Variants in WSCD1 observed in about 807,000 individuals in gnomAD.
The protein encoded by WSCD1 is sialate:O-sulfotransferase 1.
A neutral mutation model predicts 60.4 loss-of-function variants in WSCD1; 41 were observed. That is an observed-to-expected ratio of 0.68 (90% confidence interval 0.53 to 0.88). WSCD1 has a LOEUF of 0.88. WSCD1 is among the 40% of genes least tolerant of loss of function. The pLI, the probability that WSCD1 is intolerant of heterozygous loss-of-function variation, is 0.00. For missense variants in WSCD1, 784 were observed against 796.2 expected, an observed-to-expected ratio of 0.98 and a Z score of 0.18; for synonymous variants, 361 against 332.5, an observed-to-expected ratio of 1.09 and a Z score of -0.93.
chr17:6,105,261 A>G (rs1911022242), intron 5 of WSCD1, among the ~76,000 whole-genome samples: 4 of 152,176 alleles, frequency 2.6e-5, no homozygotes, highest in Admixed American at 2.0e-4. Context: ...ATGAGGATGC[A>G]TATCTTTCTG....
chr17:6,089,581 C>T (rs980581947), intron 3 of WSCD1, among the ~76,000 whole-genome samples: 1 of 152,162 alleles, frequency 6.6e-6, no homozygotes. Flanking sequence ...CAGACCAGCT[C>T]ACGGCCGCTC....
rs920623033 is a variant in WSCD1, at chr17:6,120,248, G to C, written c.1376-61G>C. ...CTTCCCTCTCCCGAGCAGCCCCCCG[G>C]GGACCGGCAGCCCTGGCAGGGCCAG... On this transcript the variant is annotated intron_variant, in intron 8 of 8. Coordinates refer to ENST00000317744, the MANE Select transcript of WSCD1 (RefSeq NM_015253.2). 2.6e-6 allele frequency: 4 copies of C among 1,559,654 alleles called. No individual in the cohort carries two copies. The Middle Eastern group carries it at 5.2e-4, about 204-fold the overall frequency.
chr17:6,094,427 CT>C (rs1018099117), intron 4 of WSCD1, among the ~76,000 whole-genome samples: 2 of 152,222 alleles, frequency 1.3e-5, no homozygotes, highest in African/African-American at 2.4e-5. Flanking sequence ...GTCTGCTTTT[CT>C]TTTAATGCAT....
Position 6,094,984 on chromosome 17 carries a change from A to T in WSCD1, c.728-118A>T, listed in dbSNP as rs574199966. ...GGGCCGTTTTCCCTCCCTGATTTGA[A>T]CTCGCCTCGTAAGTTTATTTATACC... On this transcript the variant is annotated intron_variant, in intron 4 of 8. Coordinates refer to ENST00000317744, the MANE Select transcript of WSCD1 (RefSeq NM_015253.2). 3.4e-5 allele frequency: 50 copies of T among 1,461,042 alleles called. No homozygotes were observed. The South Asian group carries it at 6.8e-4, about 20-fold the overall frequency. 90.5% of individuals were successfully genotyped at this position (1,461,042 alleles called of 1,614,324 possible).
At chr17:6,097,132 C>T (rs1026804814) in intron 5 of WSCD1, among the ~76,000 whole-genome samples, 10 of 152,228 alleles carry the variant, frequency 6.6e-5, no homozygotes, top group Non-Finnish European at 1.3e-4. Context: ...GCTTTGCAGC[C>T]CTTGCTCCTG....
chr17:6,107,015 A>G (rs1423626052), intron 5 of WSCD1, among the ~76,000 whole-genome samples: 1 of 152,020 alleles, frequency 6.6e-6, no homozygotes, highest in Non-Finnish European at 1.5e-5. Flanking sequence ...ACAGACATTT[A>G]TTTTCTCATT....
chr17:6,074,654 G>C (rs927228690), intron 1 of WSCD1, among the ~76,000 whole-genome samples: 14 of 152,242 alleles, frequency 9.2e-5, no homozygotes, highest in African/African-American at 2.9e-4. Flanking sequence ...GGAAGAGGAG[G>C]CATGGGAGCT....
In WSCD1 at chr17:6,080,624, C is replaced by G; in HGVS notation, c.-35C>G. The G allele has an allele frequency of 6.2e-7, 1 of 1,607,830 alleles. No individual in the cohort carries two copies. The highest frequency in any genetic ancestry group is 8.5e-7 in the Non-Finnish European group (1 of 1,178,104). ...CCCACCTGGGCGCTAGGAGCCATCC[C>G]GGGGCTCCAGCCAGGAGCCCTGCTG... On this transcript the variant is annotated 5_prime_UTR_variant, in exon 2 of 9. Transcript: ENST00000317744. The surrounding 1 kb of genome is among the most constrained non-coding windows in gnomAD (Gnocchi z 6.6).
At chr17:6,092,298 C>CA (rs1391245641) in intron 4 of WSCD1, among the ~76,000 whole-genome samples, 1 of 152,120 alleles carries the variant, frequency 6.6e-6, no homozygotes, top group Non-Finnish European at 1.5e-5. Context: ...CCCTGGCTGG[C>CA]AACTGTCTGT....
intron 2 of WSCD1, among the ~76,000 whole-genome samples, chr17:6,087,332 G>A (rs1179511642): frequency 1.3e-5 from 2 of 152,160 alleles, no homozygotes; most frequent in African/African-American, 4.8e-5. Context: ...CCCTTCCAGG[G>A]ATGTGTGCAG....
intron 2 of WSCD1, among the ~76,000 whole-genome samples, chr17:6,081,641 G>A (rs1190771694): frequency 6.6e-6 from 1 of 151,868 alleles, no homozygotes; most frequent in African/African-American, 2.4e-5. Context: ...AATCTGGGAA[G>A]CAGAGGTTGC....
At chr17:6,090,198 TAAAAC>T (rs1440964803) in intron 3 of WSCD1, 118 bp from the exon 4 acceptor site, 3 of 1,033,022 alleles carry the variant, frequency 2.9e-6, no homozygotes, top group Non-Finnish European at 3.9e-6. Flanking sequence ...AAAGTATAAT[TAAAAC>T]AAAAAACAAA....
At chr17:6,084,811 G>C (rs1909520422) in intron 2 of WSCD1, 1 of 152,166 alleles carries the variant, frequency 6.6e-6, no homozygotes, top group South Asian at 2.1e-4. Flanking sequence ...CCTCAGAGTG[G>C]GTCCCAGTGT....
At position 6,097,461 on chromosome 17, in the gene WSCD1, G is replaced by A. The variant is rs187621023; in HGVS notation, c.849+2238G>A. On this transcript the variant is annotated intron_variant, in intron 5 of 8. Coordinates refer to ENST00000317744, the MANE Select transcript of WSCD1 (RefSeq NM_015253.2). Reference sequence around the variant, plus strand: ...CCTTGCCCATTCTCTAACAAGCCCCGCAGCCGGGCAGGAGCTGCACCCGCC... The same window carrying A: ...CCTTGCCCATTCTCTAACAAGCCCCACAGCCGGGCAGGAGCTGCACCCGCC... 1.7e-3 allele frequency among the ~76,000 whole-genome samples: 260 copies of A among 152,274 alleles called. 1 individual carries two copies. The highest frequency in any genetic ancestry group is 6.8e-3 in the Middle Eastern group (2 of 294).
At chr17:6,094,278 G>A (rs1477908696) in intron 4 of WSCD1, among the ~76,000 whole-genome samples, 2 of 152,178 alleles carry the variant, frequency 1.3e-5, no homozygotes, top group Admixed American at 6.5e-5. Context: ...AGGCTTCTTT[G>A]TAACATGGGC....
intron 7 of WSCD1, among the ~76,000 whole-genome samples, chr17:6,116,729 T>A (rs1911702660): frequency 6.6e-6 from 1 of 152,220 alleles, no homozygotes; most frequent in African/African-American, 2.4e-5. Flanking sequence ...ACTTCCAGAT[T>A]CAAAAGAGAC....
At position 6,095,111 on chromosome 17, in the gene WSCD1, C is replaced by T; in HGVS notation, c.737C>T (p.Ala246Val). The change falls in exon 5 of 9, where the codon GCC becomes GTC. Residue 246 changes from alanine to valine, a missense_variant. By Grantham distance (64) the Ala-to-Val change is moderately conservative. Coordinates refer to ENST00000317744, the MANE Select transcript of WSCD1 (RefSeq NM_015253.2). ...LQPGSRKRRTATYRGCFRLPE... is the reference protein window; with the variant it reads ...LQPGSRKRRTVTYRGCFRLPE... ...CTCTCTTTTCCCCCAGGGCGGACCG[C>T]CACCTACCGCGGATGCTTCCGACTG... 1 of 1,611,500 alleles carries T rather than the reference C, an allele frequency of 6.2e-7. No homozygotes were observed. The highest frequency in any genetic ancestry group is 1.1e-5 in the South Asian group (1 of 90,436).
At chr17:6,087,000 C>T (rs1042978157) in intron 2 of WSCD1, among the ~76,000 whole-genome samples, 1 of 152,194 alleles carries the variant, frequency 6.6e-6, no homozygotes, top group South Asian at 2.1e-4. Context: ...GAGCGGAACG[C>T]GGCCCTTCCT....
intron 2 of WSCD1, among the ~76,000 whole-genome samples, chr17:6,083,937 T>C (rs909449971): frequency 4.6e-5 from 7 of 152,188 alleles, no homozygotes; most frequent in Non-Finnish European, 1.0e-4. Context: ...GAAGGGGCTC[T>C]AGTAAAAGCT....
Sources: allele counts gnomAD v4.1 joint callset (sites outside exome capture counted in the v4.1 genomes callset), GRCh38; gene constraint gnomAD v4.1.1; non-coding constraint Gnocchi (gnomAD v3.1); transcripts MANE v1.5; gene names NCBI Gene and HGNC (gene_info 2026-07-23, HGNC 2026-07-21).